Variants in NXPE2 observed in about 807,000 individuals in gnomAD.
NXPE2 encodes the protein neurexophilin and PC-esterase domain family member 2, also known as NXPE family member 2.
In NXPE2, 34 loss-of-function variants were observed where a neutral mutation model predicts 34.4. That is an observed-to-expected ratio of 0.99 (90% CI 0.75 to 1.31). The LOEUF is 1.31. Among genes scored for constraint, NXPE2 ranks in the 40% most tolerant of loss-of-function variants. The pLI is 0.00. For synonymous variants in NXPE2, 235 were observed against 231.3 expected (o/e 1.02, Z -0.15); for missense variants, 649 against 672.5 (o/e 0.97, Z 0.39).
chr11:114,561,952 C>T, the NXPE2 span, among the ~76,000 whole-genome samples: 2 of 152,116 alleles, frequency 1.3e-5, no homozygotes, highest in African/African-American at 4.8e-5. Context: ...TCAAGTTTTT[C>T]TTTATTTCAC....
chr11:114,615,248 A>G, the NXPE2 span, among the ~76,000 whole-genome samples: 35 of 151,652 alleles, frequency 2.3e-4, no homozygotes, highest in African/African-American at 8.2e-4. Context: ...ACTGTTACCC[A>G]GTGGATTATA....
At chr11:114,773,925 T>C in the NXPE2 span, among the ~76,000 whole-genome samples, 2 of 152,188 alleles carry the variant, frequency 1.3e-5, no homozygotes, top group African/African-American at 2.4e-5. Context: ...CTTTCCTGGG[T>C]CTCCAGCTTA....
the NXPE2 span, among the ~76,000 whole-genome samples, chr11:114,639,094 C>A: frequency 8.3e-3 from 1,263 of 151,498 alleles, 21 homozygotes; most frequent in African/African-American, 0.028. Context: ...GGCAGGCAGC[C>A]CTCCTTGAGC....
intron 2 of NXPE2, among the ~76,000 whole-genome samples, chr11:114,690,258 G>A (rs750764506): frequency 6.6e-6 from 1 of 152,088 alleles, no homozygotes; most frequent in Non-Finnish European, 1.5e-5. Flanking sequence ...TAGAACTCTT[G>A]AAGGAGATGC....
the NXPE2 span, among the ~76,000 whole-genome samples, chr11:114,779,664 C>A: frequency 6.6e-6 from 1 of 152,068 alleles, no homozygotes; most frequent in Non-Finnish European, 1.5e-5. Context: ...GTGACAATGA[C>A]CTCCAGAGTA....
chr11:114,578,998 T>A, the NXPE2 span, among the ~76,000 whole-genome samples: 1 of 152,190 alleles, frequency 6.6e-6, no homozygotes, highest in South Asian at 2.1e-4. Context: ...ATTAGTCTGT[T>A]TGCATTGCTA....
chr11:114,599,062 A>G, the NXPE2 span, among the ~76,000 whole-genome samples: 7 of 152,102 alleles, frequency 4.6e-5, no homozygotes, highest in Non-Finnish European at 8.8e-5. Flanking sequence ...CCAGTTTTAC[A>G]TCTTTTTTTT....
At chr11:114,556,151 TGAG>T in the NXPE2 span, among the ~76,000 whole-genome samples, 2 of 152,230 alleles carry the variant, frequency 1.3e-5, no homozygotes, top group African/African-American at 4.8e-5. Flanking sequence ...GTAACAATAT[TGAG>T]TTTTCCAATT....
the NXPE2 span, among the ~76,000 whole-genome samples, chr11:114,496,732 C>T: frequency 1.3e-5 from 2 of 152,084 alleles, no homozygotes; most frequent in African/African-American, 2.4e-5. Context: ...TTGATAGTCA[C>T]CTGCTGTGTA....
the NXPE2 span, among the ~76,000 whole-genome samples, chr11:114,634,819 G>A: frequency 1.3e-5 from 2 of 151,806 alleles, no homozygotes; most frequent in African/African-American, 4.8e-5. Flanking sequence ...TTCCATTGAT[G>A]TATATCTCTG....
the NXPE2 span, among the ~76,000 whole-genome samples, chr11:114,539,426 A>G: frequency 2.1e-5 from 3 of 142,270 alleles, no homozygotes; most frequent in Admixed American, 6.9e-5. Context: ...TAAAACTTAA[A>G]GTATAATAAT....
chr11:114,803,124 A>G, the NXPE2 span, among the ~76,000 whole-genome samples: 1 of 152,236 alleles, frequency 6.6e-6, no homozygotes, highest in East Asian at 1.9e-4. Flanking sequence ...GGCAGGGGCC[A>G]CACGGCCTTT....
At chr11:114,602,345 CAT>C in the NXPE2 span, among the ~76,000 whole-genome samples, 3 of 122,890 alleles carry the variant, frequency 2.4e-5, no homozygotes, top group East Asian at 2.3e-4. Flanking sequence ...TTATCTATAA[CAT>C]ATACTATATA....
At chr11:114,740,948 T>G in the NXPE2 span, among the ~76,000 whole-genome samples, 4 of 152,220 alleles carry the variant, frequency 2.6e-5, no homozygotes, top group African/African-American at 9.6e-5. Context: ...GTTTTTAACT[T>G]AAAGTCTATT....
chr11:114,784,506 G>A, the NXPE2 span, among the ~76,000 whole-genome samples: 7 of 152,136 alleles, frequency 4.6e-5, no homozygotes, highest in Non-Finnish European at 1.0e-4. Context: ...TCTTTATATG[G>A]ATCAGCTCTT....
the NXPE2 span, among the ~76,000 whole-genome samples, chr11:114,534,784 A>C: frequency 0.014 from 2,074 of 152,304 alleles, 50 homozygotes; most frequent in African/African-American, 0.048. Flanking sequence ...GACTATGTGA[A>C]AAGACCAAAT....
chr11:114,696,033 G>A (rs999375091), intron 2 of NXPE2, among the ~76,000 whole-genome samples: 1 of 150,968 alleles, frequency 6.6e-6, no homozygotes, highest in African/African-American at 2.4e-5. Context: ...AGAAAAAAAA[G>A]AAGAAGAAGA....
At chr11:114,675,562 A>T (rs555534653), upstream of NXPE2, among the ~76,000 whole-genome samples, 11 of 151,416 alleles carry the variant, frequency 7.3e-5, no homozygotes, top group African/African-American at 9.7e-5. Flanking sequence ...AATATAGCAT[A>T]AAAAAAACCC....
At chr11:114,561,360 C>G in the NXPE2 span, among the ~76,000 whole-genome samples, 3 of 152,152 alleles carry the variant, frequency 2.0e-5, no homozygotes, top group Non-Finnish European at 4.4e-5. Flanking sequence ...TCCACGATGT[C>G]CATCCAAGTT....
Sources: gnomAD v4.1 joint callset for allele counts (sites outside exome capture counted in the v4.1 genomes callset) on GRCh38, gnomAD v4.1.1 for gene constraint, MANE v1.5 for transcripts, NCBI Gene and HGNC (gene_info 2026-07-23, HGNC 2026-07-21) for gene names.